KLHL13: variants seen among roughly 807,000 people sequenced by gnomAD.
The protein encoded by KLHL13 is kelch like family member 13, also known as kelch-like protein 13.
A neutral mutation model predicts 37.1 loss-of-function variants in KLHL13; 10 were observed. The observed-to-expected ratio is 0.27, with a 90% confidence interval of 0.17 to 0.46. The LOEUF is 0.46. Ranked by LOEUF, KLHL13 falls within the 20% of genes least tolerant of loss-of-function variation. The pLI is 1.00. For synonymous variants in KLHL13, 163 were observed against 181.2 expected (o/e 0.90, Z 0.81); for missense variants, 360 against 509.3 (o/e 0.71, Z 2.82).
chrX:117,969,845 T>C (rs1258859424), intron 1 of KLHL13, among the ~76,000 whole-genome samples: 1 of 112,012 alleles, frequency 8.9e-6, no homozygotes, highest in African/African-American at 3.2e-5. Flanking sequence ...ACAAATACTA[T>C]AGTCTTCATC....
intron 1 of KLHL13, among the ~76,000 whole-genome samples, chrX:118,032,501 G>A (rs1268589985): frequency 1.8e-5 from 2 of 111,762 alleles, no homozygotes; most frequent in African/African-American, 6.5e-5. Context: ...CACAGGGCCA[G>A]GTACTCCAAC....
intron 1 of KLHL13, among the ~76,000 whole-genome samples, chrX:118,002,638 AT>A (rs1400839544): frequency 1.2e-4 from 13 of 105,943 alleles, no homozygotes; most frequent in African/African-American, 4.1e-4. Flanking sequence ...AAATAAATAA[AT>A]AAATAAAATG....
chrX:117,991,820 C>T (rs2053792093), intron 1 of KLHL13, among the ~76,000 whole-genome samples: 1 of 106,125 alleles, frequency 9.4e-6, no homozygotes, highest in African/African-American at 3.4e-5. Context: ...CTTTCCTTAT[C>T]TCAAAATATC....
intron 5 of KLHL13, among the ~76,000 whole-genome samples, chrX:117,908,393 AGC>A (rs1930712011): frequency 9.2e-6 from 1 of 108,316 alleles, no homozygotes; most frequent in South Asian, 4.1e-4. Flanking sequence ...TCCCTCCCCT[AGC>A]CCCCCAACCC....
intron 1 of KLHL13, among the ~76,000 whole-genome samples, chrX:118,003,213 C>T (rs1029790224): frequency 1.8e-5 from 2 of 112,029 alleles, no homozygotes; most frequent in Non-Finnish European, 3.8e-5. Context: ...TACCTCTATT[C>T]AAAAATGAAA....
chrX:118,019,413 T>C (rs990768663), intron 1 of KLHL13, among the ~76,000 whole-genome samples: 1 of 110,323 alleles, frequency 9.1e-6, no homozygotes, highest in African/African-American at 3.4e-5. Context: ...GATGAGTAGG[T>C]TGAAAAAATT....
At chrX:118,001,344 A>G (rs753650795) in intron 1 of KLHL13, among the ~76,000 whole-genome samples, 9 of 112,145 alleles carry the variant, frequency 8.0e-5, no homozygotes, top group South Asian at 3.7e-4. Context: ...TGGATAGATG[A>G]TATTTAAGCA....
intron 1 of KLHL13, among the ~76,000 whole-genome samples, chrX:118,096,606 C>G (rs980069474): frequency 4.5e-5 from 5 of 111,500 alleles, no homozygotes; most frequent in African/African-American, 6.5e-5. Flanking sequence ...GATACCAAAG[C>G]CTGGCAGAGA....
At chrX:118,030,842 G>A (rs1419061790) in intron 1 of KLHL13, among the ~76,000 whole-genome samples, 1 of 111,643 alleles carries the variant, frequency 9.0e-6, no homozygotes, top group Non-Finnish European at 1.9e-5. Context: ...AGAACTGTGA[G>A]AAATAAATTT....
At position 117,985,358 on chromosome X, in the gene KLHL13, C is replaced by T. The variant is rs2053711314; in HGVS notation, c.-55-39783G>A. The T allele has an allele frequency of 3.7e-6, 4 of 1,087,499 alleles. No individual in the cohort carries two copies. The African/African-American group carries it at 7.5e-5, about 20-fold the overall frequency. 89.6% of individuals were successfully genotyped at this position (1,087,499 alleles called of 1,213,427 possible). On this transcript the variant is annotated intron_variant, in intron 1 of 6. Coordinates refer to the KLHL13 transcript ENST00000371882. ...TTAAGAGCTGTGATGCACAGCTAGG[C>T]TCTGCTACATAGTAGCGCACCCCAG...
chrX:117,926,987 C>G (rs1364942436), intron 2 of KLHL13, among the ~76,000 whole-genome samples: 9 of 98,816 alleles, frequency 9.1e-5, no homozygotes, highest in East Asian at 3.4e-4. Flanking sequence ...CTCACTGCAA[C>G]CTCCGCCTCC....
rs763937848 is a variant in KLHL13 at position 118,098,375 on chromosome X, A to T, written c.-56+18133T>A. ...AAATGCAAATCAAAACCACAATGAG[A>T]TACCAACTCACACCAGTTAGAATGG... On this transcript the variant is annotated intron_variant, in intron 1 of 6. Transcript: ENST00000371882. Among the ~76,000 whole-genome samples, 348 of 111,770 alleles carry T rather than the reference A, an allele frequency of 3.1e-3. 1 individual carries two copies. Among genetic ancestry groups the T allele is most frequent in the Middle Eastern group, 0.019 (4 of 216 alleles).
intron 1 of KLHL13, among the ~76,000 whole-genome samples, chrX:118,075,709 G>C (rs1227981778): frequency 9.0e-6 from 1 of 111,578 alleles, no homozygotes; most frequent in East Asian, 2.8e-4. Flanking sequence ...GATAGGATGA[G>C]GAGTTAAATT....
chrX:117,902,083 A>T (rs1930133638), intron 5 of KLHL13, 137 bp from the exon 7 acceptor site: 2 of 391,066 alleles, frequency 5.1e-6, no homozygotes, highest in Non-Finnish European at 9.0e-6. Context: ...TATGTGTAAG[A>T]CTTTGGGGGA....
At chrX:117,990,817 T>C (rs2053780029) in intron 1 of KLHL13, among the ~76,000 whole-genome samples, 1 of 111,986 alleles carries the variant, frequency 8.9e-6, no homozygotes, top group African/African-American at 3.3e-5. Flanking sequence ...ATGAATCCTG[T>C]TCCAATGAGA....
chrX:118,111,822 G>A (rs1172289468), intron 1 of KLHL13, among the ~76,000 whole-genome samples: 1 of 112,089 alleles, frequency 8.9e-6, no homozygotes, highest in African/African-American at 3.2e-5. Flanking sequence ...AACCCAGGAG[G>A]CGGAGGTTGC....
intron 1 of KLHL13, among the ~76,000 whole-genome samples, chrX:118,042,910 C>A (rs1210589041): frequency 2.0e-5 from 2 of 101,525 alleles, no homozygotes; most frequent in Admixed American, 2.1e-4. Flanking sequence ...AAATAAATGA[C>A]ATTGAAATGA....
chrX:118,024,143 A>T (rs1365095373), intron 1 of KLHL13, among the ~76,000 whole-genome samples: 1 of 112,242 alleles, frequency 8.9e-6, no homozygotes, highest in Non-Finnish European at 1.9e-5. Flanking sequence ...TCATTCAGTT[A>T]CCTTGCCATT....
At chrX:117,921,505 A>C (rs1032739508) in intron 2 of KLHL13, among the ~76,000 whole-genome samples, 5 of 111,972 alleles carry the variant, frequency 4.5e-5, no homozygotes, top group Admixed American at 3.8e-4. Flanking sequence ...TTGAGTCTGT[A>C]GTTTCAAAGA....
Sources: allele counts gnomAD v4.1 joint callset (sites outside exome capture counted in the v4.1 genomes callset), GRCh38; gene constraint gnomAD v4.1.1; transcripts MANE v1.5; gene names NCBI Gene and HGNC (gene_info 2026-07-23, HGNC 2026-07-21).